Variants in NLK observed in about 807,000 individuals in gnomAD.
The protein encoded by NLK is serine/threonine-protein kinase NLK.
In NLK, 11 loss-of-function variants were observed where a neutral mutation model predicts 59.0. The observed-to-expected ratio is 0.19, with a 90% CI of 0.12 to 0.31. The LOEUF (loss-of-function observed/expected upper bound fraction) is 0.31. Among genes scored for constraint, NLK ranks in the 10% least tolerant of loss-of-function variants. The probability of loss-of-function intolerance (pLI) is 1.00; values close to 1 mark genes in which losing one functional copy is unlikely to be tolerated. For synonymous variants in NLK, 235 were observed against 235.9 expected, an observed-to-expected ratio of 1.00 and a Z score of 0.03; for missense variants, 410 against 661.1, an observed-to-expected ratio of 0.62 and a Z score of 4.16.
At chr17:28,190,825 C>G in intron 8 of NLK, 196 bp from the exon 9 acceptor site, 2 of 481,488 alleles carry the variant, frequency 4.2e-6, no homozygotes, top group Non-Finnish European at 7.3e-6. Context: ...TAGATAATAA[C>G]AGTAGTTGTC....
At chr17:28,175,979 GT>G (rs1027027475) in intron 7 of NLK, among the ~76,000 whole-genome samples, 1 of 151,940 alleles carries the variant, frequency 6.6e-6, no homozygotes, top group African/African-American at 2.4e-5. Flanking sequence ...ATAAGCTTCA[GT>G]TTTTTTTATG....
At chr17:28,150,855 GGAGAGA>G (rs1907450422) in intron 3 of NLK, among the ~76,000 whole-genome samples, 1 of 152,152 alleles carries the variant, frequency 6.6e-6, no homozygotes, top group African/African-American at 2.4e-5. Context: ...CGTTTAAATA[GGAGAGA>G]TGGTTAATCT....
chr17:28,099,782 G>C (rs1904840729), intron 1 of NLK, among the ~76,000 whole-genome samples: 1 of 151,080 alleles, frequency 6.6e-6, no homozygotes, highest in Non-Finnish European at 1.5e-5. Context: ...GTTTCACCTT[G>C]TTAGCCAGGA....
At chr17:28,080,417 C>CAAAAAAAAG (rs1555557620) in intron 1 of NLK, among the ~76,000 whole-genome samples, 1 of 151,734 alleles carries the variant, frequency 6.6e-6, no homozygotes, top group African/African-American at 2.4e-5. Context: ...CCATCTCTAC[C>CAAAAAAAAG]AAAAAAAAGA....
Position 28,172,609 on chromosome 17 carries a change from T to A in NLK, c.1140T>A (p.Pro380=). The A allele has an allele frequency of 6.4e-7, 1 of 1,554,718 alleles. No homozygotes were observed. Among genetic ancestry groups the A allele is most frequent in the Non-Finnish European group, 8.7e-7 (1 of 1,150,044 alleles). The change falls in exon 7 of 11, where the codon CCT becomes CCA. Residue 380 remains proline, a synonymous_variant. Coordinates refer to ENST00000407008, the MANE Select transcript of NLK (RefSeq NM_016231.5). The part of the protein sequence containing the change: ...EGAKAHILRG[P]HKQPSLPVLY... ...CTAAGGCACATATACTCAGGGGTCC[T>A]CATAAACAGGTGAGAGGAGGGGGGA...
chr17:28,053,614 A>G (rs1387786791), intron 1 of NLK, among the ~76,000 whole-genome samples: 1 of 152,230 alleles, frequency 6.6e-6, no homozygotes, highest in Non-Finnish European at 1.5e-5. Flanking sequence ...AATGGACAAC[A>G]CAGAAACTTT....
chr17:28,088,370 A>G (rs1904357856), intron 1 of NLK, among the ~76,000 whole-genome samples: 1 of 152,322 alleles, frequency 6.6e-6, no homozygotes, highest in Non-Finnish European at 1.5e-5. Context: ...ATCTAATTCT[A>G]CCAGGTCTTC....
intron 1 of NLK, among the ~76,000 whole-genome samples, chr17:28,069,193 G>A (rs1909930006): frequency 2.6e-5 from 4 of 152,230 alleles, no homozygotes; most frequent in East Asian, 1.9e-4. Flanking sequence ...TCTTATGTGC[G>A]AGGCTTCTTT....
chr17:28,054,208 T>TA (rs1471654765), intron 1 of NLK, among the ~76,000 whole-genome samples: 1 of 152,218 alleles, frequency 6.6e-6, no homozygotes, highest in Admixed American at 6.5e-5. Context: ...CTCAGAGAAT[T>TA]ATGTGAGCAT....
chr17:28,045,163 C>G (rs1909008725), intron 1 of NLK, among the ~76,000 whole-genome samples: 1 of 152,160 alleles, frequency 6.6e-6, no homozygotes, highest in South Asian at 2.1e-4. Flanking sequence ...GACTGCTCTA[C>G]CACCTATGGA....
chr17:28,173,207 A>G (rs1174709684), intron 7 of NLK, among the ~76,000 whole-genome samples: 3 of 152,344 alleles, frequency 2.0e-5, no homozygotes, highest in Non-Finnish European at 4.4e-5. Context: ...GCACTTCCTT[A>G]TCTCCTTTGG....
intron 8 of NLK, among the ~76,000 whole-genome samples, chr17:28,186,309 A>G (rs1268300770): frequency 1.3e-5 from 2 of 152,248 alleles, no homozygotes; most frequent in Non-Finnish European, 2.9e-5. Context: ...TAAGGAGTTC[A>G]GGTTTGTGAG....
chr17:28,142,795 GA>G (rs1907063542), intron 3 of NLK, among the ~76,000 whole-genome samples: 1 of 151,912 alleles, frequency 6.6e-6, no homozygotes, highest in Admixed American at 6.6e-5. Context: ...TTTCAGACAG[GA>G]ATGGCAGGAT....
rs199578468 is a variant in NLK at position 28,127,929 on chromosome 17, A to G, written c.589-4691A>G. 2.0e-5 allele frequency among the ~76,000 whole-genome samples: 3 copies of G among 152,306 alleles called. No individual in the cohort carries two copies. In the East Asian group the frequency reaches 5.8e-4, roughly 29 times the overall value. On this transcript the variant is annotated intron_variant, in intron 2 of 10. Transcript: ENST00000407008. ...AGAACAAGGATAGACAGATAGATTA[A>G]TGGAACAGAATAGAAAGTTTGTAAA...
chr17:28,165,648 A>G (rs1223004123), intron 5 of NLK, among the ~76,000 whole-genome samples: 1 of 152,098 alleles, frequency 6.6e-6, no homozygotes, highest in East Asian at 1.9e-4. Context: ...AAGATGGATA[A>G]TTTTGCTGGA....
chr17:28,104,243 G>A (rs979960777), intron 1 of NLK, among the ~76,000 whole-genome samples: 2 of 151,750 alleles, frequency 1.3e-5, no homozygotes, highest in African/African-American at 4.8e-5. Context: ...TGGAAGATAG[G>A]GACTGGACTT....
intron 2 of NLK, among the ~76,000 whole-genome samples, chr17:28,123,468 G>A (rs572125042): frequency 1.1e-3 from 165 of 152,148 alleles, no homozygotes; most frequent in Non-Finnish European, 1.9e-3. Flanking sequence ...TTGATTGACA[G>A]GTAAATATTG....
chr17:28,178,899 G>A (rs899195966), intron 7 of NLK, among the ~76,000 whole-genome samples: 2 of 152,152 alleles, frequency 1.3e-5, no homozygotes, highest in Non-Finnish European at 2.9e-5. Flanking sequence ...TAATAGGAAC[G>A]TCTGCTCGGG....
downstream of NLK, among the ~76,000 whole-genome samples, chr17:28,199,614 C>T (rs146422787): frequency 6.1e-3 from 829 of 135,400 alleles, 23 homozygotes; most frequent in East Asian, 0.095. Context: ...TGCAGTGATC[C>T]GAGGTGGTGC....
Sources: gnomAD v4.1 joint callset for allele counts (sites outside exome capture counted in the v4.1 genomes callset) on GRCh38, gnomAD v4.1.1 for gene constraint, MANE v1.5 for transcripts, NCBI Gene and HGNC (gene_info 2026-07-23, HGNC 2026-07-21) for gene names.